Variants in TMEM132C observed in about 807,000 individuals in gnomAD.
The protein encoded by TMEM132C is protein phosphatase 1, regulatory subunit 152.
TMEM132C carries 29 observed loss-of-function variants against 61.4 expected under a neutral mutation model. The ratio of observed to expected loss-of-function variants is 0.47; its 90% CI spans 0.35 to 0.64. TMEM132C has a LOEUF of 0.64. Among genes scored for constraint, TMEM132C ranks in the 30% least tolerant of loss-of-function variants. The pLI, the probability that TMEM132C is intolerant of heterozygous loss-of-function variation, is 0.00. For synonymous variants in TMEM132C, 656 were observed against 633.1 expected (o/e 1.04, Z -0.54); for missense variants, 1,408 against 1,476.9 (o/e 0.95, Z 0.76).
chr12:128,387,140 CAAAAAA>C (rs34160455), intron 1 of TMEM132C, among the ~76,000 whole-genome samples: 3 of 85,628 alleles, frequency 3.5e-5, no homozygotes, highest in East Asian at 3.6e-4. Flanking sequence ...GACTCTGCCT[CAAAAAA>C]AAAAAAAAAA....
At position 128,705,649 on chromosome 12, in the gene TMEM132C, A is replaced by G; in HGVS notation, c.2681A>G (p.Asn894Ser). Residue 894 changes from asparagine to serine, a missense_variant, in exon 9 of 9, where the codon AAC (asparagine) becomes AGC (serine). Physicochemically the swap from Asn to Ser is conservative, Grantham distance 46. Coordinates refer to ENST00000435159, the MANE Select transcript of TMEM132C (RefSeq NM_001136103.3). The stretch of plus-strand genomic sequence containing the variant: ...CAGAACATCCCCATTGACTTCACCA[A>G]CTTCCCTGCCCACGTGGACCTCCCC... ...QLQNIPIDFT[N>S]FPAHVDLPKA... is the part of the protein sequence containing the mutation. 1.3e-6 allele frequency: 2 copies of G among 1,551,046 alleles called. No homozygotes were observed. Among genetic ancestry groups the G allele is most frequent in the Non-Finnish European group, 1.7e-6 (2 of 1,146,970 alleles).
intron 5 of TMEM132C, among the ~76,000 whole-genome samples, chr12:128,681,654 C>CT (rs5801810): frequency 0.34 from 45,306 of 131,330 alleles, 8,036 homozygotes; most frequent in Non-Finnish European, 0.37. Flanking sequence ...CAGACTGTAT[C>CT]TTTTTTTTTT....
At chr12:128,366,204 C>T (rs1303246516) in intron 1 of TMEM132C, among the ~76,000 whole-genome samples, 1 of 152,180 alleles carries the variant, frequency 6.6e-6, no homozygotes, top group East Asian at 1.9e-4. Flanking sequence ...CGGCTCTCCT[C>T]CCAGCGACAG....
chr12:128,518,841 T>C (rs1872807457), intron 2 of TMEM132C, among the ~76,000 whole-genome samples: 1 of 152,114 alleles, frequency 6.6e-6, no homozygotes. Context: ...AATTCCAGCT[T>C]AGACACTTAC....
intron 4 of TMEM132C, among the ~76,000 whole-genome samples, chr12:128,647,937 T>A (rs1593133226): frequency 7.0e-6 from 1 of 143,556 alleles, no homozygotes; most frequent in African/African-American, 2.7e-5. Context: ...ATTGGATGAG[T>A]GTGTTTACTG....
At chr12:128,477,386 A>G (rs1327232477) in intron 2 of TMEM132C, among the ~76,000 whole-genome samples, 4 of 152,246 alleles carry the variant, frequency 2.6e-5, no homozygotes, top group Non-Finnish European at 4.4e-5. Flanking sequence ...TGGAAGCAGA[A>G]GGATCATTTC....
At chr12:128,622,396 T>G in intron 4 of TMEM132C, among the ~76,000 whole-genome samples, 3 of 121,230 alleles carry the variant, frequency 2.5e-5, no homozygotes, top group South Asian at 2.8e-4. Flanking sequence ...TATATATATA[T>G]ATATAACCAG....
chr12:128,417,163 A>G (rs1172474783), intron 2 of TMEM132C, among the ~76,000 whole-genome samples: 3 of 152,064 alleles, frequency 2.0e-5, no homozygotes, highest in Non-Finnish European at 4.4e-5. Flanking sequence ...AATTTTTGGT[A>G]AGTCCTCTTG....
intron 1 of TMEM132C, among the ~76,000 whole-genome samples, chr12:128,345,740 TG>T (rs1230298957): frequency 6.6e-6 from 1 of 152,216 alleles, no homozygotes; most frequent in Non-Finnish European, 1.5e-5. Flanking sequence ...TTATGTCCTT[TG>T]CTCACTTTTT....
rs145730198 is a variant in TMEM132C, at chr12:128,309,915, T to C, written c.85+42428T>C. Reference sequence around the variant, plus strand: ...CATGCCTGGCTAATTTTTGTATTTTTAGTAGAGACGGGGTTTCACCATGTT... The same window carrying C: ...CATGCCTGGCTAATTTTTGTATTTTCAGTAGAGACGGGGTTTCACCATGTT... On this transcript the variant is annotated intron_variant, in intron 1 of 8. Transcript: ENST00000435159. 8.5e-3 allele frequency among the ~76,000 whole-genome samples: 1,297 copies of C among 152,206 alleles called. 12 individuals are homozygous for C. The highest frequency in any genetic ancestry group is 0.015 in the Non-Finnish European group (1,041 of 68,012).
intron 2 of TMEM132C, among the ~76,000 whole-genome samples, chr12:128,535,963 C>A (rs1593090549): frequency 6.6e-6 from 1 of 152,094 alleles, no homozygotes; most frequent in South Asian, 2.1e-4. Context: ...TTAGTTCAAC[C>A]ATTGTGGAAG....
At position 128,639,137 on chromosome 12, in the gene TMEM132C, G is replaced by A. The variant is rs369920744; in HGVS notation, c.1305+22802G>A. Among the ~76,000 whole-genome samples, 737 of 149,140 alleles carry A rather than the reference G, an allele frequency of 4.9e-3. 15 individuals are homozygous for A. Among genetic ancestry groups the A allele is most frequent in the African/African-American group, 0.018 (699 of 39,682 alleles). ...TGGTGATGATGATGATGGTGTTAAT[G>A]ACAATGGTGATGATGATGGTGATGG... On this transcript the variant is annotated intron_variant, in intron 4 of 8. Coordinates refer to ENST00000435159, the MANE Select transcript of TMEM132C (RefSeq NM_001136103.3).
intron 3 of TMEM132C, among the ~76,000 whole-genome samples, chr12:128,592,621 A>G (rs1875793474): frequency 6.6e-6 from 1 of 152,210 alleles, no homozygotes; most frequent in African/African-American, 2.4e-5. Context: ...AAGAGATGCT[A>G]AGCTCCCTGC....
At chr12:128,542,431 G>A (rs1261523085) in intron 2 of TMEM132C, among the ~76,000 whole-genome samples, 1 of 152,036 alleles carries the variant, frequency 6.6e-6, no homozygotes, top group African/African-American at 2.4e-5. Context: ...TAAACCTCCC[G>A]AGTAGCTGGG....
intron 1 of TMEM132C, among the ~76,000 whole-genome samples, chr12:128,377,670 G>T (rs1874238669): frequency 6.6e-6 from 1 of 152,176 alleles, no homozygotes; most frequent in Non-Finnish European, 1.5e-5. Flanking sequence ...TGATGGTGAT[G>T]AAAATATTTC....
At chr12:128,641,165 C>A (rs1242344627) in intron 4 of TMEM132C, among the ~76,000 whole-genome samples, 2 of 152,122 alleles carry the variant, frequency 1.3e-5, no homozygotes, top group Non-Finnish European at 2.9e-5. Context: ...ACTCCCCAGG[C>A]CTCCTCAGCC....
chr12:128,605,084 GTAGATGGA>G (rs900858980), intron 3 of TMEM132C, among the ~76,000 whole-genome samples: 12 of 151,916 alleles, frequency 7.9e-5, no homozygotes, highest in African/African-American at 2.9e-4. Context: ...TTATGGATAG[GTAGATGGA>G]TGGATGAATA....
chr12:128,418,196 T>C (rs903688642), intron 2 of TMEM132C, among the ~76,000 whole-genome samples: 4 of 152,178 alleles, frequency 2.6e-5, no homozygotes, highest in Non-Finnish European at 4.4e-5. Flanking sequence ...CAGCAGACGT[T>C]CCCCAAACAC....
rs1007663731 is a variant in TMEM132C at position 128,267,633 on chromosome 12, C to A, written c.85+146C>A. 8 of 639,662 alleles carry A rather than the reference C, an allele frequency of 1.3e-5. No homozygotes were observed. The Admixed American group carries it at 2.5e-4, about 20-fold the overall frequency. 39.6% of individuals were successfully genotyped at this position (639,662 alleles called of 1,614,324 possible). On this transcript the variant is annotated intron_variant, in intron 1 of 8. Transcript: ENST00000435159. ...CCATCAACAGCGCCTCTGCGGGTGCCGAGCCGCCCCTAATCCAGAAGGGCG... is the reference window on the plus strand; with the variant it reads ...CCATCAACAGCGCCTCTGCGGGTGCAGAGCCGCCCCTAATCCAGAAGGGCG...
Sources: gnomAD v4.1 joint callset for allele counts (sites outside exome capture counted in the v4.1 genomes callset) on GRCh38, gnomAD v4.1.1 for gene constraint, MANE v1.5 for transcripts, NCBI Gene and HGNC (gene_info 2026-07-23, HGNC 2026-07-21) for gene names.